The following MARCHF3 variants were observed in gnomAD, a reference collection of about 807,000 sequenced individuals.
MARCHF3 encodes the protein E3 ubiquitin-protein ligase MARCHF3.
Under a neutral mutation model 24.2 loss-of-function variants are expected in MARCHF3, and 13 were observed. The observed-to-expected ratio is 0.54, with a 90% CI of 0.35 to 0.85. The LOEUF is 0.85. Ranked by LOEUF, MARCHF3 falls within the 40% of genes least tolerant of loss-of-function variation. MARCHF3 has a pLI of 0.01. For synonymous variants in MARCHF3, 144 were observed against 137.3 expected, an observed-to-expected ratio of 1.05 and a Z score of -0.34; for missense variants, 276 against 325.0, an observed-to-expected ratio of 0.85 and a Z score of 1.16.
intron 1 of MARCHF3, among the ~76,000 whole-genome samples, chr5:127,004,083 T>C (rs968655786): frequency 6.6e-6 from 1 of 152,228 alleles, no homozygotes; most frequent in African/African-American, 2.4e-5. Context: ...CACCCATCTG[T>C]ATGGCTCTTT....
chr5:126,951,053 C>T (rs1359040535), intron 1 of MARCHF3, among the ~76,000 whole-genome samples: 1 of 152,204 alleles, frequency 6.6e-6, no homozygotes. Flanking sequence ...TCTGCCACCA[C>T]CACTTCAACA....
At chr5:126,986,979 T>C (rs1005525958) in intron 1 of MARCHF3, among the ~76,000 whole-genome samples, 3 of 152,248 alleles carry the variant, frequency 2.0e-5, no homozygotes, top group Non-Finnish European at 4.4e-5. Flanking sequence ...GGCTAGGCTA[T>C]GGTGGCCAGT....
chr5:126,968,126 A>G (rs1450697358), intron 1 of MARCHF3, among the ~76,000 whole-genome samples: 2 of 152,212 alleles, frequency 1.3e-5, no homozygotes, highest in Non-Finnish European at 2.9e-5. Context: ...AGGTTCATCT[A>G]TGTTGTAGAA....
At chr5:126,946,491 T>C (rs1448468888) in intron 1 of MARCHF3, 1 of 151,894 alleles carries the variant, frequency 6.6e-6, no homozygotes, top group Non-Finnish European at 1.5e-5. Context: ...GAAGTCACCA[T>C]GTAAAACTTA....
chr5:126,922,705 C>A (rs542776974), intron 1 of MARCHF3, among the ~76,000 whole-genome samples: 153 of 152,162 alleles, frequency 1.0e-3, no homozygotes, highest in African/African-American at 3.6e-3. Flanking sequence ...TGCCACCATG[C>A]CTGGCTAATT....
chr5:126,968,534 T>C (rs1321415599), intron 1 of MARCHF3, among the ~76,000 whole-genome samples: 1 of 152,224 alleles, frequency 6.6e-6, no homozygotes, highest in African/African-American at 2.4e-5. Flanking sequence ...GTATACCTTC[T>C]TTGGAGAAAT....
Position 126,982,864 on chromosome 5 carries a change from T to C in MARCHF3, c.-57+47486A>G, listed in dbSNP as rs149813116. Among the ~76,000 whole-genome samples the C allele has an allele frequency of 2.6e-5, 4 of 152,338 alleles. No individual in the cohort carries two copies. The East Asian group carries it at 7.7e-4, about 29-fold the overall frequency. ...ATGCCTTGTTCTGAATTGTTTTTGT[T>C]ATACCACTAATGTGGTTGTCTCCCA... On this transcript the variant is annotated intron_variant, in intron 1 of 4. Coordinates refer to ENST00000308660, the MANE Select transcript of MARCHF3 (RefSeq NM_178450.5).
intron 1 of MARCHF3, among the ~76,000 whole-genome samples, chr5:127,012,096 A>C (rs1186295062): frequency 2.0e-5 from 3 of 152,192 alleles, no homozygotes; most frequent in African/African-American, 7.2e-5. Flanking sequence ...TTCCTGTCTC[A>C]TGTTCTACCA....
chr5:126,918,337 G>GC, intron 1 of MARCHF3, 110 bp from the exon 2 acceptor site: 1 of 693,456 alleles, frequency 1.4e-6, no homozygotes. Context: ...AATAACAGGG[G>GC]TAGCCTAGAT....
chr5:126,962,414 A>G (rs1353522738), intron 1 of MARCHF3, among the ~76,000 whole-genome samples: 2 of 151,654 alleles, frequency 1.3e-5, no homozygotes, highest in Admixed American at 6.6e-5. Context: ...ATAATCATAT[A>G]TGTGTGTGTG....
intron 1 of MARCHF3, among the ~76,000 whole-genome samples, chr5:126,937,334 T>A (rs146578177): frequency 1.3e-5 from 2 of 152,354 alleles, no homozygotes; most frequent in East Asian, 3.9e-4. Context: ...GGTTACCTTT[T>A]TTTTTCTTTT....
intron 1 of MARCHF3, among the ~76,000 whole-genome samples, chr5:126,981,558 T>G (rs912049449): frequency 6.6e-6 from 1 of 152,210 alleles, no homozygotes; most frequent in East Asian, 1.9e-4. Context: ...AGAGAAATGG[T>G]TGTAGGATAT....
chr5:127,016,369 C>T (rs901388353), intron 1 of MARCHF3, among the ~76,000 whole-genome samples: 2 of 152,044 alleles, frequency 1.3e-5, no homozygotes, highest in African/African-American at 4.8e-5. Context: ...ACCCATCTGA[C>T]AAAGGACTAA....
intron 1 of MARCHF3, among the ~76,000 whole-genome samples, chr5:127,025,323 A>G (rs1033693313): frequency 6.7e-6 from 1 of 148,648 alleles, no homozygotes; most frequent in Admixed American, 6.7e-5. Context: ...AAAAAAAAAA[A>G]AAGAAAGAAA....
intron 3 of MARCHF3, among the ~76,000 whole-genome samples, chr5:126,882,677 C>T (rs1242175258): frequency 2.6e-5 from 4 of 152,168 alleles, no homozygotes; most frequent in Non-Finnish European, 1.5e-5. Flanking sequence ...CCCATTCAAA[C>T]TTACCTTTAC....
At chr5:126,930,534 T>C (rs775342317) in intron 1 of MARCHF3, among the ~76,000 whole-genome samples, 129 of 152,352 alleles carry the variant, frequency 8.5e-4, no homozygotes, top group Non-Finnish European at 1.6e-3. Flanking sequence ...CTCAAGGTCA[T>C]CATGCCTGTA....
intron 3 of MARCHF3, among the ~76,000 whole-genome samples, chr5:126,909,426 T>C (rs900852038): frequency 1.1e-4 from 16 of 152,338 alleles, no homozygotes; most frequent in East Asian, 3.9e-4. Flanking sequence ...AGCCTCGCTG[T>C]CGCCTTGCAG....
At chr5:127,023,837 A>G (rs960519387) in intron 1 of MARCHF3, among the ~76,000 whole-genome samples, 6 of 152,160 alleles carry the variant, frequency 3.9e-5, no homozygotes, top group African/African-American at 1.4e-4. Flanking sequence ...TTCGTGCTGA[A>G]CTTCAGACAT....
intron 1 of MARCHF3, among the ~76,000 whole-genome samples, chr5:126,997,025 A>G (rs1264196572): frequency 1.3e-5 from 2 of 152,206 alleles, no homozygotes; most frequent in Non-Finnish European, 2.9e-5. Flanking sequence ...TACCCTTAAC[A>G]AATAGTTAAA....
Sources: allele counts gnomAD v4.1 joint callset (sites outside exome capture counted in the v4.1 genomes callset), GRCh38; gene constraint gnomAD v4.1.1; transcripts MANE v1.5; gene names NCBI Gene and HGNC (gene_info 2026-07-23, HGNC 2026-07-21).